PEX7: variants seen among roughly 807,000 people sequenced by gnomAD.
The protein encoded by PEX7 is peroxisomal biogenesis factor 7, also known as PTS2 receptor.
PEX7 carries 34 observed loss-of-function variants against 47.5 expected under a neutral mutation model. That is an observed-to-expected ratio of 0.72 (90% CI 0.54 to 0.95). The LOEUF (loss-of-function observed/expected upper bound fraction) is 0.95, where lower values mean the gene tolerates loss of function less well. Ranked by LOEUF, PEX7 falls within the 40% of genes least tolerant of loss-of-function variation. The pLI is 0.00. For missense variants in PEX7, 394 were observed against 400.3 expected, an observed-to-expected ratio of 0.98 and a Z score of 0.13; for synonymous variants, 141 against 148.8, an observed-to-expected ratio of 0.95 and a Z score of 0.38.
chr6:136,900,512 T>C lies in PEX7; in HGVS notation c.903+2271T>C. The C allele has an allele frequency of 6.3e-6, 3 of 479,466 alleles. No homozygotes were observed. Among genetic ancestry groups the C allele is most frequent in the South Asian group, 4.6e-5 (3 of 65,768 alleles). 29.7% of individuals were successfully genotyped at this position (479,466 alleles called of 1,614,324 possible). On this transcript the variant is annotated intron_variant, in intron 9 of 9. Coordinates refer to ENST00000318471, the MANE Select transcript of PEX7 (RefSeq NM_000288.4). This position sits in a 1 kb window ranked among gnomAD's most constrained non-coding sequence, Gnocchi z 4.2. Reference sequence around the variant, plus strand: ...TCGTGTCTGTCATTGTAATTGGTCCTGATAGCTTCCACCATCTTAGCCAAA... The same window carrying C: ...TCGTGTCTGTCATTGTAATTGGTCCCGATAGCTTCCACCATCTTAGCCAAA...
At chr6:136,856,931 A>G (rs1774872265) in intron 5 of PEX7, among the ~76,000 whole-genome samples, 1 of 151,930 alleles carries the variant, frequency 6.6e-6, no homozygotes, top group African/African-American at 2.4e-5. Context: ...GTTTTCTACC[A>G]ATTTTTATGA....
chr6:136,898,413 C>T (rs1211389768), intron 9 of PEX7, among the ~76,000 whole-genome samples, 172 bp downstream of exon 9: 5 of 152,362 alleles, frequency 3.3e-5, no homozygotes, highest in African/African-American at 7.2e-5. Flanking sequence ...ACATACCTTT[C>T]TCCTCTTGAA....
intron 9 of PEX7, among the ~76,000 whole-genome samples, chr6:136,903,286 CTGTG>C (rs1246277224): frequency 1.3e-5 from 2 of 151,018 alleles, no homozygotes; most frequent in Admixed American, 1.3e-4. Flanking sequence ...CAGTCTCTGT[CTGTG>C]TGTGTATTTT....
chr6:136,907,162 T>C (rs1775858864), intron 9 of PEX7, among the ~76,000 whole-genome samples: 2 of 152,200 alleles, frequency 1.3e-5, no homozygotes, highest in African/African-American at 4.8e-5. Context: ...TTTCCTTCTC[T>C]GCTTCAGTAA....
At chr6:136,823,088 C>G (rs1439675133) in intron 1 of PEX7, 17 of 985,334 alleles carry the variant, frequency 1.7e-5, no homozygotes, top group South Asian at 4.7e-5. Context: ...GTGTCACACG[C>G]CCAGGCACAC....
Position 136,825,267 on chromosome 6 carries a change from A to C in PEX7, c.184A>C (p.Arg62=). The stretch of plus-strand genomic sequence containing the variant: ...AGATGAAGCTGGGCTAAGGCTTTTT[A>C]GAAGGTAAGGGGGCTGAAATTATTA... The part of the protein sequence containing the change: ...DPDEAGLRLF[R]SFDWNDGLFD... The change falls in exon 2 of 10, where the codon AGA becomes CGA. Residue 62 remains arginine (R), a synonymous_variant. Coordinates refer to ENST00000318471, the MANE Select transcript of PEX7 (RefSeq NM_000288.4). 6.2e-7 allele frequency: 1 copy of C among 1,611,956 alleles called. No homozygotes were observed. The highest frequency in any genetic ancestry group is 2.2e-5 in the East Asian group (1 of 44,862).
intron 5 of PEX7, among the ~76,000 whole-genome samples, chr6:136,851,042 C>T (rs1774740413): frequency 1.0e-5 from 1 of 99,836 alleles, no homozygotes; most frequent in African/African-American, 4.1e-5. Flanking sequence ...GGTACATGTG[C>T]ACATTGTGCA....
chr6:136,838,106 G>C (rs1774427390), intron 3 of PEX7, among the ~76,000 whole-genome samples: 1 of 152,190 alleles, frequency 6.6e-6, no homozygotes, highest in Non-Finnish European at 1.5e-5. Context: ...CTATTTAGTA[G>C]CCCGTAATGA....
intron 9 of PEX7, among the ~76,000 whole-genome samples, chr6:136,907,298 G>T (rs1775861400): frequency 6.6e-6 from 1 of 152,042 alleles, no homozygotes; most frequent in African/African-American, 2.4e-5. Flanking sequence ...TTAGTTTATT[G>T]GTCAGCTCTT....
Position 136,913,631 on chromosome 6 carries a change from C to G in PEX7, c.*105C>G. 1.2e-6 allele frequency: 1 copy of G among 850,296 alleles called. No homozygotes were observed. Among genetic ancestry groups the G allele is most frequent in the Admixed American group, 1.8e-5 (1 of 56,824 alleles). The allele number at this position is 850,296 out of a possible 1,614,324, so 52.7% of individuals were successfully genotyped here. On this transcript the variant is annotated 3_prime_UTR_variant, in exon 10 of 10. Transcript: ENST00000318471. ...AGACATTATGCTTTTATATGCTATTCAGATTTCAAATCTTTCCAATTTACC... is the reference window on the plus strand; with the variant it reads ...AGACATTATGCTTTTATATGCTATTGAGATTTCAAATCTTTCCAATTTACC...
chr6:136,848,924 T>C (rs1774684272), intron 5 of PEX7, among the ~76,000 whole-genome samples: 1 of 152,190 alleles, frequency 6.6e-6, no homozygotes. Context: ...TCAGAAGGAA[T>C]GGTACCAGCT....
intron 3 of PEX7, among the ~76,000 whole-genome samples, chr6:136,828,933 A>C (rs1278408466): frequency 6.6e-6 from 1 of 152,176 alleles, no homozygotes; most frequent in Non-Finnish European, 1.5e-5. Flanking sequence ...AACCGAAGAC[A>C]CACTTCTGTT....
intron 5 of PEX7, among the ~76,000 whole-genome samples, chr6:136,857,233 T>C (rs906043054): frequency 2.0e-5 from 3 of 152,238 alleles, no homozygotes; most frequent in African/African-American, 4.8e-5. Flanking sequence ...GCTTCACTTG[T>C]TTTCATACAT....
intron 6 of PEX7, among the ~76,000 whole-genome samples, chr6:136,867,554 A>G (rs933842431): frequency 6.6e-6 from 1 of 152,198 alleles, no homozygotes; most frequent in Non-Finnish European, 1.5e-5. Context: ...ATATAAAGAA[A>G]GAAAATATTT....
chr6:136,901,657 A>G (rs1582779155), intron 9 of PEX7: 1 of 152,278 alleles, frequency 6.6e-6, no homozygotes, highest in Admixed American at 6.5e-5. Flanking sequence ...GCAAGTTGCA[A>G]GGCCAGCCCA....
At chr6:136,881,617 T>G (rs1472995729) in intron 8 of PEX7, among the ~76,000 whole-genome samples, 1 of 152,212 alleles carries the variant, frequency 6.6e-6, no homozygotes, top group Non-Finnish European at 1.5e-5. Flanking sequence ...TTAATCCTAG[T>G]GACTGACCAC....
chr6:136,857,974 C>T (rs938216886), intron 5 of PEX7, among the ~76,000 whole-genome samples: 3 of 152,136 alleles, frequency 2.0e-5, no homozygotes, highest in Admixed American at 6.6e-5. Flanking sequence ...TGCGCCACCA[C>T]CCAGCTAATT....
intron 3 of PEX7, among the ~76,000 whole-genome samples, chr6:136,836,113 A>G (rs923026593): frequency 2.6e-5 from 4 of 152,196 alleles, no homozygotes; most frequent in African/African-American, 9.6e-5. Context: ...CATATGTAGG[A>G]GAATTATGCA....
intron 5 of PEX7, among the ~76,000 whole-genome samples, chr6:136,849,759 T>C (rs570030609): frequency 6.6e-6 from 1 of 152,242 alleles, no homozygotes; most frequent in South Asian, 2.1e-4. Flanking sequence ...TGCTGAGGAG[T>C]GCTTTGCTTC....
Sources: allele counts gnomAD v4.1 joint callset (sites outside exome capture counted in the v4.1 genomes callset), GRCh38; gene constraint gnomAD v4.1.1; non-coding constraint Gnocchi (gnomAD v3.1); transcripts MANE v1.5; gene names NCBI Gene and HGNC (gene_info 2026-07-23, HGNC 2026-07-21).